The following SEMA4A variants were observed in gnomAD, a reference collection of about 807,000 sequenced individuals.
SEMA4A encodes semaphorin 4A.
A neutral mutation model predicts 72.5 loss-of-function variants in SEMA4A; 52 were observed. The observed-to-expected ratio is 0.72, with a 90% CI of 0.57 to 0.90. The LOEUF is 0.90. SEMA4A is among the 40% of genes least tolerant of loss of function. SEMA4A has a pLI of 0.00. For synonymous variants in SEMA4A, 369 were observed against 393.1 expected, an observed-to-expected ratio of 0.94 and a Z score of 0.73; for missense variants, 926 against 959.7, an observed-to-expected ratio of 0.96 and a Z score of 0.46.
chr1:156,152,231 G>A (rs1572382708), upstream of SEMA4A, among the ~76,000 whole-genome samples: 1 of 152,214 alleles, frequency 6.6e-6, no homozygotes, highest in Admixed American at 6.5e-5. Context: ...TGGCTAGAGG[G>A]GCTGGGGAAG....
In SEMA4A at chr1:156,157,236, G is replaced by C. The variant is rs915671953; in HGVS notation, c.300+662G>C. Among the ~76,000 whole-genome samples the C allele has an allele frequency of 4.0e-5, 6 of 151,886 alleles. No individual in the cohort carries two copies. The highest frequency in any genetic ancestry group is 3.3e-4 in the Admixed American group (5 of 15,266). ...GAGTCTCACTCTGTTGTCCAGGCTG[G>C]AGTGCAATGGCGTGATCTTGGCTCA... On this transcript the variant is annotated intron_variant, in intron 3 of 14. Coordinates refer to ENST00000368285, the MANE Select transcript of SEMA4A (RefSeq NM_022367.4). The surrounding 1 kb of genome is among the most constrained non-coding windows in gnomAD (Gnocchi z 4.5).
At chr1:156,170,492 C>G (rs1288152399) in intron 10 of SEMA4A, among the ~76,000 whole-genome samples, 1 of 137,380 alleles carries the variant, frequency 7.3e-6, no homozygotes, top group African/African-American at 2.8e-5. Context: ...AAAGGCCAGG[C>G]GCTTGTAATC....
At position 156,176,897 on chromosome 1, in the gene SEMA4A, C is replaced by T. The variant is rs563891865; in HGVS notation, c.2186C>T (p.Pro729Leu). 30 of 1,614,240 alleles carry T rather than the reference C, an allele frequency of 1.9e-5. No homozygotes were observed. The highest frequency in any genetic ancestry group is 9.9e-5 in the South Asian group (9 of 91,090). The change falls in exon 15 of 15, where the codon CCG becomes CTG. Residue 729 changes from proline to leucine, a missense_variant. Physicochemically the swap from Pro to Leu is moderately conservative, Grantham distance 98. Coordinates refer to ENST00000368285, the MANE Select transcript of SEMA4A (RefSeq NM_022367.4). ...CETLRPGEKA[P>L]LSREQHLQSP... ...ACCCTGCGCCCTGGGGAGAAGGCCC[C>T]GTTAAGCAGAGAGCAACACCTCCAG...
Position 156,160,396 on chromosome 1 carries a change from G to A in SEMA4A, c.569-47G>A, listed in dbSNP as rs773171889. ...AGAGGCAGGTCTGTGGAGGGCAGAG[G>A]AACCCTCCACCCCATCAGTTCTCTC... On this transcript the variant is annotated intron_variant, in intron 6 of 14. Coordinates refer to ENST00000368285, the MANE Select transcript of SEMA4A (RefSeq NM_022367.4). 9.0e-6 allele frequency: 13 copies of A among 1,444,460 alleles called. No individual in the cohort carries two copies. The African/African-American group carries it at 1.8e-4, about 20-fold the overall frequency. The allele number at this position is 1,444,460 out of a possible 1,614,324, so 89.5% of individuals were successfully genotyped here. A position where few individuals can be genotyped will look rare whatever the true frequency, so the allele number is the denominator to read the frequency against.
At chr1:156,170,472 A>C (rs1315876348) in intron 10 of SEMA4A, among the ~76,000 whole-genome samples, 1 of 148,008 alleles carries the variant, frequency 6.8e-6, no homozygotes, top group African/African-American at 2.5e-5. Context: ...AAAAAAAAAA[A>C]AAAAAAAAAA....
chr1:156,160,399 C>T, intron 6 of SEMA4A, 44 bp from the exon 7 acceptor site: 1 of 1,465,242 alleles, frequency 6.8e-7, no homozygotes, highest in Non-Finnish European at 9.6e-7. Flanking sequence ...GGCAGAGGAA[C>T]CCTCCACCCC....
intron 10 of SEMA4A, among the ~76,000 whole-genome samples, chr1:156,172,100 A>G (rs11486127): frequency 7.2e-4 from 53 of 73,190 alleles, no homozygotes; most frequent in African/African-American, 3.5e-3. Context: ...TTGTTTGTTT[A>G]TTTATTTATT....
chr1:156,176,811 C>T lies in SEMA4A; in HGVS notation c.2100C>T (p.Ile700=). Residue 700 remains isoleucine (I), a synonymous_variant, in exon 15 of 15, where the codon ATC becomes ATT. Coordinates refer to ENST00000368285, the MANE Select transcript of SEMA4A (RefSeq NM_022367.4). ...CCTTAGTGCTTTCAGGAGCCCTCATCATCCTCGTGGCCTCCCCATTGAGAG... is the reference window on the plus strand; with the variant it reads ...CCTTAGTGCTTTCAGGAGCCCTCATTATCCTCGTGGCCTCCCCATTGAGAG... ...LFALVLSGAL[I]ILVASPLRAL... 2.5e-6 allele frequency: 4 copies of T among 1,614,076 alleles called. No homozygotes were observed. The highest frequency in any genetic ancestry group is 3.4e-6 in the Non-Finnish European group (4 of 1,179,888).
chr1:156,158,921 A>G, intron 6 of SEMA4A, 97 bp downstream of exon 6: 4 of 1,088,826 alleles, frequency 3.7e-6, no homozygotes, highest in Non-Finnish European at 5.6e-6. Flanking sequence ...GGCAGGGGAA[A>G]CTGGGTGTGG....
upstream of SEMA4A, among the ~76,000 whole-genome samples, chr1:156,147,793 G>A (rs72708271): frequency 6.6e-6 from 1 of 151,924 alleles, no homozygotes; most frequent in Non-Finnish European, 1.5e-5. Context: ...AGAGGAAATA[G>A]AATTATGTAT....
At position 156,160,556 on chromosome 1, in the gene SEMA4A, C is replaced by T. The variant is rs1211501242; in HGVS notation, c.682C>T (p.His228Tyr). 1 of 1,613,488 alleles carries T rather than the reference C, an allele frequency of 6.2e-7. No homozygotes were observed. Among genetic ancestry groups the T allele is most frequent in the African/African-American group, 1.3e-5 (1 of 74,914 alleles). The change falls in exon 7 of 15, where the codon CAT (histidine) becomes TAT (tyrosine). Residue 228 changes from histidine (H) to tyrosine (Y), a missense_variant. Transcript: ENST00000368285. Reference sequence around the variant, plus strand: ...GACCGACAACTTCCTCCGCTGGCTGCATCGTAAGGACCTGACCCCCGCTGG... The same window carrying T: ...GACCGACAACTTCCTCCGCTGGCTGTATCGTAAGGACCTGACCCCCGCTGG... ...LKTDNFLRWL[H>Y]HDASFVAAIP...
rs979159762 is a variant in SEMA4A at position 156,158,784 on chromosome 1, C to A, written c.528C>A (p.Ser176Arg). The A allele has an allele frequency of 1.7e-5, 28 of 1,613,926 alleles. No individual in the cohort carries two copies. Among genetic ancestry groups the A allele is most frequent in the Non-Finnish European group, 2.3e-5 (27 of 1,179,976 alleles). ...AGGTCATGGAGGGAAAAGGCCAAAG[C>A]CCCTTTGACCCCGCTCACAAGCATA... The part of the protein sequence containing the change: ...EDKVMEGKGQ[S>R]PFDPAHKHTA... The change falls in exon 6 of 15, where the codon AGC becomes AGA. Residue 176 changes from serine to arginine, a missense_variant. Ser to Arg is a moderately radical substitution (Grantham distance 110). Transcript: ENST00000368285.
chr1:156,168,641 C>T (rs962678921), intron 10 of SEMA4A, among the ~76,000 whole-genome samples: 2 of 151,852 alleles, frequency 1.3e-5, no homozygotes, highest in Non-Finnish European at 2.9e-5. Context: ...AATGTGTACT[C>T]ATATTTAACA....
upstream of SEMA4A, among the ~76,000 whole-genome samples, chr1:156,151,792 C>G (rs1652553156): frequency 7.0e-6 from 1 of 143,412 alleles, no homozygotes; most frequent in Non-Finnish European, 1.5e-5. Flanking sequence ...GCCGAGATCG[C>G]ACCACCACAC....
chr1:156,154,585 C>T lies in SEMA4A; in HGVS notation c.7C>T (p.Leu3Phe), dbSNP rs1171931625. The change falls in exon 2 of 15, where the codon CTC (leucine) becomes TTC (phenylalanine). Residue 3 changes from leucine (L) to phenylalanine (F), a missense_variant. Coordinates refer to ENST00000368285, the MANE Select transcript of SEMA4A (RefSeq NM_022367.4). MALPALGLDPWSL... is the reference protein window; with the variant it reads MAFPALGLDPWSL... ...TGACAGTCTGTGGCTGAGCATGGCC[C>T]TCCCAGCCCTGGGCCTGGACCCCTG... The T allele has an allele frequency of 6.2e-7, 1 of 1,610,220 alleles. No homozygotes were observed. The highest frequency in any genetic ancestry group is 8.5e-7 in the Non-Finnish European group (1 of 1,179,378).
chr1:156,162,143 C>A (rs1291884433), intron 9 of SEMA4A, among the ~76,000 whole-genome samples: 3 of 152,198 alleles, frequency 2.0e-5, no homozygotes, highest in Non-Finnish European at 4.4e-5. Context: ...TGCCTGTAGT[C>A]CCAGCTACTC....
chr1:156,160,856 A>G, intron 7 of SEMA4A, 49 bp from the exon 8 acceptor site: 1 of 1,612,182 alleles, frequency 6.2e-7, no homozygotes, highest in Middle Eastern at 1.7e-4. Flanking sequence ...AGGCAAACCC[A>G]GGGCATGCAG....
rs1653531733 is a variant in SEMA4A at position 156,160,888 on chromosome 1, C to T, written c.686-17C>T. ...GCAGGGGCTCAGTCCCTAAGCCCAT[C>T]TGCCCCTCCCCCGCAGATGACGCCT... On this transcript the variant is annotated splice_polypyrimidine_tract_variant and intron_variant, in intron 7 of 14. Transcript: ENST00000368285. 7 of 1,613,496 alleles carry T rather than the reference C, an allele frequency of 4.3e-6. No homozygotes were observed. Among genetic ancestry groups the T allele is most frequent in the Non-Finnish European group, 5.9e-6 (7 of 1,179,948 alleles).
chr1:156,171,704 G>A (rs1654789890), intron 10 of SEMA4A, among the ~76,000 whole-genome samples: 1 of 152,074 alleles, frequency 6.6e-6, no homozygotes, highest in African/African-American at 2.4e-5. Context: ...AGCTTCCTGA[G>A]TAGCTGGGAT....
Sources: allele counts gnomAD v4.1 joint callset (sites outside exome capture counted in the v4.1 genomes callset), GRCh38; gene constraint gnomAD v4.1.1; non-coding constraint Gnocchi (gnomAD v3.1); transcripts MANE v1.5; gene names NCBI Gene and HGNC (gene_info 2026-07-23, HGNC 2026-07-21).